Variants in KAZN observed in about 807,000 individuals in gnomAD.
KAZN encodes kazrin.
In KAZN, 40 loss-of-function variants were observed where a neutral mutation model predicts 87.4. The ratio of observed to expected loss-of-function variants is 0.46; its 90% CI spans 0.36 to 0.60. KAZN has a LOEUF of 0.60. Ranked by LOEUF, KAZN falls within the 20% of genes least tolerant of loss-of-function variation. The pLI is 0.00. For missense variants in KAZN, 898 were observed against 1,073.9 expected (o/e 0.84, Z 2.29); for synonymous variants, 466 against 458.3 (o/e 1.02, Z -0.22).
intron 1 of KAZN, among the ~76,000 whole-genome samples, chr1:14,818,585 C>A (rs541357574): frequency 2.0e-5 from 3 of 152,220 alleles, no homozygotes; most frequent in South Asian, 2.1e-4. Context: ...AGCAACAGCA[C>A]GGGTTTTTGG....
At chr1:14,692,329 C>A in intron 1 of KAZN, 1 of 451,468 alleles carries the variant, frequency 2.2e-6, no homozygotes. Context: ...CCATCTTCGG[C>A]TCTCATTTTT....
At chr1:14,861,159 C>T (rs2101021409) in intron 1 of KAZN, among the ~76,000 whole-genome samples, 1 of 152,318 alleles carries the variant, frequency 6.6e-6, no homozygotes, top group Non-Finnish European at 1.5e-5. Flanking sequence ...GGGCAGATCA[C>T]CTGAGGTCAG....
intron 1 of KAZN, among the ~76,000 whole-genome samples, chr1:13,919,967 G>A (rs1167961095): frequency 6.6e-6 from 1 of 152,058 alleles, no homozygotes; most frequent in South Asian, 2.1e-4. Context: ...TTCCTTTTCT[G>A]TATGAATATC....
chr1:14,700,701 T>A (rs1641874503), intron 1 of KAZN, among the ~76,000 whole-genome samples: 1 of 152,100 alleles, frequency 6.6e-6, no homozygotes, highest in South Asian at 2.1e-4. Flanking sequence ...AAAAAGGCAA[T>A]GGTGTGGCTT....
At chr1:14,118,441 C>T (rs1439538654) in intron 1 of KAZN, among the ~76,000 whole-genome samples, 9 of 152,144 alleles carry the variant, frequency 5.9e-5, no homozygotes, top group Admixed American at 5.2e-4. Flanking sequence ...TGGATGCCAG[C>T]CTGCATCCAA....
At chr1:13,995,348 G>C (rs1639465316) in intron 1 of KAZN, among the ~76,000 whole-genome samples, 1 of 152,076 alleles carries the variant, frequency 6.6e-6, no homozygotes, top group African/African-American at 2.4e-5. Context: ...CATAAACTTG[G>C]CAAGGTTAAT....
rs938906632 is a variant in KAZN, at chr1:14,353,211, T to G, written c.249+172619T>G. Among the ~76,000 whole-genome samples the G allele has an allele frequency of 2.0e-5, 3 of 149,514 alleles. No individual in the cohort carries two copies. In the East Asian group the frequency reaches 5.9e-4, roughly 30 times the overall value. ...AGGAAGGAAGAAATAAAGCTGTCAC[T>G]ACAGATGACATCACTTTTTTTTTTT... On this transcript the variant is annotated intron_variant, in intron 2 of 16. Transcript: ENST00000636203.
chr1:14,521,429 A>G (rs1671582352), intron 2 of KAZN, among the ~76,000 whole-genome samples: 1 of 152,224 alleles, frequency 6.6e-6, no homozygotes, highest in Non-Finnish European at 1.5e-5. Context: ...TAAAAACAGA[A>G]AAAGGTAAAT....
intron 1 of KAZN, among the ~76,000 whole-genome samples, chr1:13,894,530 T>A (rs1638961336): frequency 6.6e-6 from 1 of 152,200 alleles, no homozygotes; most frequent in African/African-American, 2.4e-5. Context: ...GTTTCTCGAC[T>A]TTTTTGGCGT....
At chr1:14,366,493 G>A (rs1246450513) in intron 2 of KAZN, among the ~76,000 whole-genome samples, 2 of 152,260 alleles carry the variant, frequency 1.3e-5, no homozygotes, top group African/African-American at 4.8e-5. Context: ...GGGAACTGGA[G>A]GGCGGGCACT....
chr1:14,737,548 G>A (rs2100408823), intron 1 of KAZN, among the ~76,000 whole-genome samples: 1 of 152,298 alleles, frequency 6.6e-6, no homozygotes, highest in African/African-American at 2.4e-5. Context: ...CTGCACACTG[G>A]GCAGCTTATG....
At chr1:14,322,236 G>C (rs1011456937) in intron 2 of KAZN, among the ~76,000 whole-genome samples, 1 of 151,794 alleles carries the variant, frequency 6.6e-6, no homozygotes, top group African/African-American at 2.4e-5. Context: ...GTCCAGCCTG[G>C]GCAATATGGC....
In KAZN at chr1:14,176,578, C is replaced by A. The variant is rs534692261; in HGVS notation, c.92-3857C>A. On this transcript the variant is annotated intron_variant, in intron 1 of 16. Coordinates refer to the KAZN transcript ENST00000636203. ...AGAATCAGGCCATATTCTTTCTAGT[C>A]CATCCTTCTCTGTTTTAGCCAAGCT... 3.2e-4 allele frequency among the ~76,000 whole-genome samples: 48 copies of A among 152,222 alleles called. 1 individual carries two copies. In the South Asian group the frequency reaches 1.0e-2, roughly 32 times the overall value.
intron 1 of KAZN, among the ~76,000 whole-genome samples, chr1:14,055,614 A>G (rs1206083854): frequency 1.3e-5 from 2 of 152,136 alleles, no homozygotes; most frequent in African/African-American, 2.4e-5. Context: ...TTCTCCCCAC[A>G]TTGGATCATC....
At chr1:14,668,743 CTG>C (rs976874300) in intron 1 of KAZN, among the ~76,000 whole-genome samples, 46 of 152,314 alleles carry the variant, frequency 3.0e-4, no homozygotes, top group African/African-American at 1.1e-3. Flanking sequence ...GGAATTCAGA[CTG>C]TAAACGTCAT....
At chr1:14,191,137 G>C (rs1055640035) in intron 2 of KAZN, among the ~76,000 whole-genome samples, 1 of 152,078 alleles carries the variant, frequency 6.6e-6, no homozygotes, top group Non-Finnish European at 1.5e-5. Flanking sequence ...TAAGCAAAAG[G>C]GTGCATTGAA....
At chr1:13,902,679 G>A (rs1486698989) in intron 1 of KAZN, among the ~76,000 whole-genome samples, 1 of 152,182 alleles carries the variant, frequency 6.6e-6, no homozygotes, top group African/African-American at 2.4e-5. Context: ...AAAATACCTA[G>A]AGGAGAAGAA....
intron 1 of KAZN, among the ~76,000 whole-genome samples, chr1:14,808,456 T>C (rs893962747): frequency 6.6e-6 from 1 of 150,860 alleles, no homozygotes; most frequent in South Asian, 2.1e-4. Flanking sequence ...GCCACCACGG[T>C]CGGCTAATTT....
At chr1:13,920,679 C>T (rs895024325) in intron 1 of KAZN, among the ~76,000 whole-genome samples, 1 of 151,938 alleles carries the variant, frequency 6.6e-6, no homozygotes, top group African/African-American at 2.4e-5. Context: ...CAGAATGTTT[C>T]TGTGTAGGGG....
Sources: gnomAD v4.1 joint callset for allele counts (sites outside exome capture counted in the v4.1 genomes callset) on GRCh38, gnomAD v4.1.1 for gene constraint, MANE v1.5 for transcripts, NCBI Gene and HGNC (gene_info 2026-07-23, HGNC 2026-07-21) for gene names.